NRG3: variants seen among roughly 807,000 people sequenced by gnomAD.
The protein encoded by NRG3 is pro-neuregulin-3, membrane-bound isoform.
A neutral mutation model predicts 66.9 loss-of-function variants in NRG3; 31 were observed. That is an observed-to-expected ratio of 0.46 (90% CI 0.35 to 0.63). The LOEUF is 0.63. Ranked by LOEUF, NRG3 falls within the 20% of genes least tolerant of loss-of-function variation. NRG3 has a pLI of 0.00. For synonymous variants in NRG3, 393 were observed against 359.4 expected, an observed-to-expected ratio of 1.09 and a Z score of -1.06; for missense variants, 910 against 878.9, an observed-to-expected ratio of 1.04 and a Z score of -0.45.
chr10:81,888,347 C>T (rs74971711), intron 1 of NRG3, among the ~76,000 whole-genome samples: 3,829 of 152,206 alleles, frequency 0.025, 94 homozygotes, highest in African/African-American at 0.058. Flanking sequence ...CATATCTTAA[C>T]ACATGTAAAA....
At chr10:82,158,273 T>C (rs2071324603) in intron 1 of NRG3, among the ~76,000 whole-genome samples, 1 of 151,804 alleles carries the variant, frequency 6.6e-6, no homozygotes, top group Non-Finnish European at 1.5e-5. Context: ...TTGTTACAAA[T>C]AATTTTCAGT....
intron 1 of NRG3, among the ~76,000 whole-genome samples, chr10:82,310,768 TA>T (rs909072529): frequency 2.0e-5 from 3 of 152,060 alleles, no homozygotes. Flanking sequence ...TGAGCAGCAA[TA>T]AAAAATTCAG....
At chr10:82,859,071 C>G (rs543709096) in intron 3 of NRG3, 1 of 152,194 alleles carries the variant, frequency 6.6e-6, no homozygotes, top group Non-Finnish European at 1.5e-5. Flanking sequence ...CTCAGCCTCC[C>G]GAGTAGCTGG....
intron 2 of NRG3, among the ~76,000 whole-genome samples, chr10:82,524,071 T>C (rs983023021): frequency 2.0e-5 from 3 of 151,990 alleles, no homozygotes; most frequent in South Asian, 2.1e-4. Context: ...CCCTGGAACA[T>C]CTCCTTGTAC....
chr10:82,106,702 C>T (rs1031392207), intron 1 of NRG3, among the ~76,000 whole-genome samples: 2 of 151,904 alleles, frequency 1.3e-5, no homozygotes, highest in Non-Finnish European at 2.9e-5. Flanking sequence ...GACAGGTTTT[C>T]TCCATGTTGG....
At chr10:82,249,953 CA>C (rs2077408489) in intron 1 of NRG3, among the ~76,000 whole-genome samples, 1 of 152,116 alleles carries the variant, frequency 6.6e-6, no homozygotes, top group African/African-American at 2.4e-5. Flanking sequence ...CCTCTAAGCC[CA>C]ATGTGAATAT....
chr10:82,209,723 T>C (rs1184355079), intron 1 of NRG3, among the ~76,000 whole-genome samples: 1 of 152,182 alleles, frequency 6.6e-6, no homozygotes, highest in Non-Finnish European at 1.5e-5. Flanking sequence ...AATGTACTTT[T>C]CTTTATTTGG....
chr10:82,688,880 T>C (rs2134184242), intron 2 of NRG3, among the ~76,000 whole-genome samples: 1 of 152,282 alleles, frequency 6.6e-6, no homozygotes, highest in Non-Finnish European at 1.5e-5. Context: ...CTGATAGATT[T>C]TTAAGTTGCT....
At chr10:82,447,276 G>C (rs201172172) in intron 2 of NRG3, among the ~76,000 whole-genome samples, 1 of 152,076 alleles carries the variant, frequency 6.6e-6, no homozygotes, top group Non-Finnish European at 1.5e-5. Context: ...TATAGGCCAC[G>C]GAGTGCAGGC....
At chr10:82,188,873 A>C (rs1474026090) in intron 1 of NRG3, among the ~76,000 whole-genome samples, 2 of 152,148 alleles carry the variant, frequency 1.3e-5, no homozygotes, top group African/African-American at 4.8e-5. Flanking sequence ...TGATAGCACA[A>C]TAGGGTGACT....
At chr10:82,758,268 G>A (rs1048526452) in intron 3 of NRG3, among the ~76,000 whole-genome samples, 23 of 152,202 alleles carry the variant, frequency 1.5e-4, no homozygotes, top group Middle Eastern at 3.4e-3. Context: ...TTCAGATGAG[G>A]AAGTCTGCTG....
At chr10:82,321,944 G>C (rs3904722) in intron 1 of NRG3, among the ~76,000 whole-genome samples, 3 of 152,140 alleles carry the variant, frequency 2.0e-5, no homozygotes, top group Admixed American at 2.0e-4. Context: ...CTGAATTAGA[G>C]AATAATGGCA....
At chr10:82,075,051 T>C (rs1276154864) in intron 1 of NRG3, among the ~76,000 whole-genome samples, 3 of 152,322 alleles carry the variant, frequency 2.0e-5, no homozygotes, top group African/African-American at 7.2e-5. Context: ...AATCGATGAA[T>C]GAATTTAAGT....
chr10:82,264,943 G>C (rs941327025), intron 1 of NRG3, among the ~76,000 whole-genome samples: 3 of 152,198 alleles, frequency 2.0e-5, no homozygotes, highest in African/African-American at 7.2e-5. Flanking sequence ...CCTTTCACTT[G>C]ATCAGGAGGC....
intron 2 of NRG3, among the ~76,000 whole-genome samples, chr10:82,456,497 C>T (rs759217762): frequency 1.1e-4 from 17 of 152,030 alleles, no homozygotes; most frequent in Admixed American, 2.6e-4. Context: ...AAAACACACA[C>T]ACTAGTCTAG....
chr10:82,074,358 G>C (rs950296026), intron 1 of NRG3, among the ~76,000 whole-genome samples: 8 of 152,158 alleles, frequency 5.3e-5, no homozygotes, highest in Admixed American at 2.0e-4. Context: ...GAGGAAGGTG[G>C]GATAGTAGAA....
At chr10:82,445,034 A>G (rs1297758139) in intron 2 of NRG3, among the ~76,000 whole-genome samples, 12 of 152,196 alleles carry the variant, frequency 7.9e-5, no homozygotes, top group Non-Finnish European at 1.8e-4. Context: ...GACAGTTGAG[A>G]TGCTAATTAA....
intron 2 of NRG3, among the ~76,000 whole-genome samples, chr10:82,393,964 C>A (rs2086556102): frequency 6.6e-6 from 1 of 152,092 alleles, no homozygotes. Context: ...GATTATTCAC[C>A]TTTTTATTCC....
At chr10:82,781,358 C>T (rs1056902666) in intron 3 of NRG3, among the ~76,000 whole-genome samples, 7 of 152,150 alleles carry the variant, frequency 4.6e-5, no homozygotes, top group African/African-American at 1.7e-4. Context: ...CCATCACTCT[C>T]AAGTAAAATC....
Sources: allele counts gnomAD v4.1 joint callset (sites outside exome capture counted in the v4.1 genomes callset), GRCh38; gene constraint gnomAD v4.1.1; transcripts MANE v1.5; gene names NCBI Gene and HGNC (gene_info 2026-07-23, HGNC 2026-07-21).